The following VTA1 variants were observed in gnomAD, a reference collection of about 807,000 sequenced individuals.
VTA1 encodes the protein vacuolar protein sorting-associated protein VTA1 homolog.
VTA1 carries 24 observed loss-of-function variants against 36.9 expected under a neutral mutation model. That is an observed-to-expected ratio of 0.65 (90% CI 0.47 to 0.91). The LOEUF is 0.91. Among genes scored for constraint, VTA1 ranks in the 40% least tolerant of loss-of-function variants. The probability of loss-of-function intolerance (pLI) is 0.00; values close to 1 mark genes in which losing one functional copy is unlikely to be tolerated. For missense variants in VTA1, 393 were observed against 377.2 expected (o/e 1.04, Z -0.35); for synonymous variants, 142 against 130.2 (o/e 1.09, Z -0.62).
intron 4 of VTA1, among the ~76,000 whole-genome samples, chr6:142,177,995 A>G (rs1016387304): frequency 6.6e-6 from 1 of 152,184 alleles, no homozygotes; most frequent in Non-Finnish European, 1.5e-5. Flanking sequence ...AAAGGAGTAC[A>G]AAGAAAACGA....
chr6:142,148,770 C>G (rs1401387000), intron 1 of VTA1, among the ~76,000 whole-genome samples: 1 of 152,112 alleles, frequency 6.6e-6, no homozygotes, highest in Non-Finnish European at 1.5e-5. Flanking sequence ...AGGAACACTT[C>G]ACTGAATTGA....
chr6:142,186,500 TGAA>T (rs1451447297), intron 4 of VTA1, among the ~76,000 whole-genome samples: 1 of 151,850 alleles, frequency 6.6e-6, no homozygotes, highest in East Asian at 1.9e-4. Context: ...AATGGGGAGA[TGAA>T]GACCAATCAA....
intron 1 of VTA1, among the ~76,000 whole-genome samples, chr6:142,165,707 G>A (rs748325795): frequency 6.6e-6 from 1 of 152,104 alleles, no homozygotes; most frequent in Non-Finnish European, 1.5e-5. Flanking sequence ...CAGCTATTTA[G>A]GTTTAGCCTT....
rs145629126 is a variant in VTA1 at position 142,174,791 on chromosome 6, C to G, written c.411+4370C>G. Reference sequence around the variant, plus strand: ...CCCATGGTAATAAGTGAGTTTTTGCCCTGTTATTTCACGTGAGAAGTGGTG... The same window carrying G: ...CCCATGGTAATAAGTGAGTTTTTGCGCTGTTATTTCACGTGAGAAGTGGTG... On this transcript the variant is annotated intron_variant, in intron 4 of 7. Coordinates refer to ENST00000367630, the MANE Select transcript of VTA1 (RefSeq NM_016485.5). Among the ~76,000 whole-genome samples, 8 of 152,058 alleles carry G rather than the reference C, an allele frequency of 5.3e-5. No homozygotes were observed. In the East Asian group the frequency reaches 1.6e-3, roughly 30 times the overall value.
Position 142,218,768 on chromosome 6 carries a change from C to A in VTA1, c.*125C>A, listed in dbSNP as rs1776049735. On this transcript the variant is annotated 3_prime_UTR_variant, in exon 8 of 8. Transcript: ENST00000367630. Reference sequence around the variant, plus strand: ...GTTTTGTTGAATATGACAATGAAATCTGTGTGTATCAGATTTTTATTGAAG... The same window carrying A: ...GTTTTGTTGAATATGACAATGAAATATGTGTGTATCAGATTTTTATTGAAG... The A allele has an allele frequency of 3.6e-6, 4 of 1,117,556 alleles. No individual in the cohort carries two copies. Among genetic ancestry groups the A allele is most frequent in the East Asian group, 5.5e-5 (2 of 36,060 alleles). The allele number at this position is 1,117,556 out of a possible 1,614,324, so 69.2% of individuals were successfully genotyped here.
intron 4 of VTA1, among the ~76,000 whole-genome samples, chr6:142,181,030 GAAAGGGTAAGGGGAC>G (rs1775216374): frequency 1.5e-5 from 2 of 134,992 alleles, no homozygotes; most frequent in Admixed American, 1.6e-4. Context: ...AAAGTGCAAT[GAAAGGGTAAGGGGAC>G]ACCGTGTCTT....
chr6:142,173,930 A>AT (rs560467165), intron 4 of VTA1, among the ~76,000 whole-genome samples: 176 of 152,128 alleles, frequency 1.2e-3, no homozygotes, highest in African/African-American at 3.9e-3. Flanking sequence ...GGGTAAAGGG[A>AT]TTTTTTTACC....
At chr6:142,215,982 C>G (rs572617505) in intron 7 of VTA1, among the ~76,000 whole-genome samples, 7 of 152,072 alleles carry the variant, frequency 4.6e-5, no homozygotes, top group African/African-American at 7.2e-5. Flanking sequence ...TATAGATGGT[C>G]TTGTCTGCAG....
Position 142,218,678 on chromosome 6 carries a change from T to G in VTA1, c.*35T>G. 6.3e-7 allele frequency: 1 copy of G among 1,581,888 alleles called. No homozygotes were observed. Among genetic ancestry groups the G allele is most frequent in the Non-Finnish European group, 8.6e-7 (1 of 1,168,704 alleles). The stretch of plus-strand genomic sequence containing the variant: ...ATGACAGACCCATGTATTTTTGGCA[T>G]GAGGAACTAACAGTCCATTACTCTA... On this transcript the variant is annotated 3_prime_UTR_variant, in exon 8 of 8. Transcript: ENST00000367630.
chr6:142,205,146 A>G lies in VTA1; in HGVS notation c.778+1081A>G, dbSNP rs11966077. On this transcript the variant is annotated intron_variant, in intron 7 of 7. Coordinates refer to ENST00000367630, the MANE Select transcript of VTA1 (RefSeq NM_016485.5). ...GGCCAATAAGCCTTCCTGCCTCTCA[A>G]CCATGGAATGAGGAGAGCCTTTTAG... Among the ~76,000 whole-genome samples the G allele has an allele frequency of 2.5e-3, 375 of 152,252 alleles. 3 individuals are homozygous for G. The highest frequency in any genetic ancestry group is 8.3e-3 in the African/African-American group (343 of 41,558).
intron 1 of VTA1, among the ~76,000 whole-genome samples, chr6:142,163,032 G>C (rs1350959671): frequency 6.6e-6 from 1 of 152,148 alleles, no homozygotes; most frequent in Non-Finnish European, 1.5e-5. Context: ...TTGAGAACAT[G>C]GGCTGTGTTT....
At chr6:142,207,411 A>G (rs555445933) in intron 7 of VTA1, among the ~76,000 whole-genome samples, 1 of 152,162 alleles carries the variant, frequency 6.6e-6, no homozygotes, top group Admixed American at 6.5e-5. Context: ...TCACTGTGCA[A>G]CTTGGCCAAA....
intron 1 of VTA1, among the ~76,000 whole-genome samples, chr6:142,147,844 A>G (rs1277379422): frequency 6.6e-6 from 1 of 152,240 alleles, no homozygotes; most frequent in Non-Finnish European, 1.5e-5. Flanking sequence ...ACAGCATGCA[A>G]GCCCAATCAG....
chr6:142,194,593 T>C (rs1775512695), intron 5 of VTA1, among the ~76,000 whole-genome samples: 1 of 152,130 alleles, frequency 6.6e-6, no homozygotes, highest in Admixed American at 6.5e-5. Flanking sequence ...GATTTTTGTA[T>C]AATTTTTTAT....
intron 7 of VTA1, 146 bp downstream of exon 7, chr6:142,204,211 C>T (rs1582901832): frequency 1.5e-6 from 1 of 686,774 alleles, no homozygotes; most frequent in Non-Finnish European, 2.5e-6. Flanking sequence ...TCCTTGAATG[C>T]TTATGTTCAC....
chr6:142,159,783 G>T (rs1012844587), intron 1 of VTA1, among the ~76,000 whole-genome samples: 1 of 151,898 alleles, frequency 6.6e-6, no homozygotes, highest in African/African-American at 2.4e-5. Context: ...AAAGTGCTGG[G>T]ATTACAGGCA....
intron 5 of VTA1, among the ~76,000 whole-genome samples, chr6:142,198,117 ATATGTGTGTGTGTGTGTG>A (rs1455227515): frequency 8.9e-5 from 7 of 78,634 alleles, no homozygotes; most frequent in Admixed American, 1.2e-4. Context: ...ATATATATAT[ATATGTGTGTGTGTGTGTG>A]TGTGTGTGTG....
intron 1 of VTA1, among the ~76,000 whole-genome samples, chr6:142,150,511 C>T (rs542881753): frequency 1.8e-4 from 27 of 152,290 alleles, no homozygotes; most frequent in Non-Finnish European, 3.7e-4. Flanking sequence ...TCTCACGCAT[C>T]CTGAGTGCTT....
chr6:142,153,976 G>A (rs1778615117), intron 1 of VTA1, among the ~76,000 whole-genome samples: 1 of 151,938 alleles, frequency 6.6e-6, no homozygotes, highest in South Asian at 2.1e-4. Flanking sequence ...ATTGGCATTG[G>A]TACAATTCAC....
Sources: allele counts gnomAD v4.1 joint callset (sites outside exome capture counted in the v4.1 genomes callset), GRCh38; gene constraint gnomAD v4.1.1; transcripts MANE v1.5; gene names NCBI Gene and HGNC (gene_info 2026-07-23, HGNC 2026-07-21).